The following CDCP1 variants were observed in gnomAD, a reference collection of about 807,000 sequenced individuals.
The protein encoded by CDCP1 is CUB domain-containing protein 1.
A neutral mutation model predicts 60.2 loss-of-function variants in CDCP1; 29 were observed. The ratio of observed to expected loss-of-function variants is 0.48; its 90% CI spans 0.36 to 0.66. The LOEUF (loss-of-function observed/expected upper bound fraction) is 0.66. Ranked by LOEUF, CDCP1 falls within the 30% of genes least tolerant of loss-of-function variation. The probability of loss-of-function intolerance (pLI) is 0.00; values close to 1 mark genes in which losing one functional copy is unlikely to be tolerated. For synonymous variants in CDCP1, 387 were observed against 431.1 expected (o/e 0.90, Z 1.27); for missense variants, 876 against 1,074.3 (o/e 0.82, Z 2.58).
At position 45,140,610 on chromosome 3, in the gene CDCP1, A is replaced by T. The variant is rs139087538; in HGVS notation, c.82+5596T>A. ...ACCAGCTAGGGAGCCCTGGCAAGTC[A>T]CGTCACCTCTCTGTGCCTACTAACA... On this transcript the variant is annotated intron_variant, in intron 1 of 8. Transcript: ENST00000296129. 6.1e-4 allele frequency among the ~76,000 whole-genome samples: 93 copies of T among 152,300 alleles called. 1 individual carries two copies. The highest frequency in any genetic ancestry group is 3.4e-3 in the Middle Eastern group (1 of 294).
At chr3:45,145,662 A>T (rs1699369478) in intron 1 of CDCP1, among the ~76,000 whole-genome samples, 1 of 152,058 alleles carries the variant, frequency 6.6e-6, no homozygotes, top group Non-Finnish European at 1.5e-5. Flanking sequence ...GGAGAGGGGG[A>T]ATGCAGCGTG....
Position 45,110,602 on chromosome 3 carries a change from C to T in CDCP1, c.895G>A (p.Asp299Asn). ...TTNPEVFKLE[D>N]KQPGNMAGNF... ...CCCGCCATGTTCCCAGGCTGCTTGT[C>T]CTCCAGCTTGAACACCTCGGGGTTG... The change falls in exon 4 of 9, where the codon GAC becomes AAC. Residue 299 changes from aspartate to asparagine, a missense_variant. Coordinates refer to ENST00000296129, the MANE Select transcript of CDCP1 (RefSeq NM_022842.5). 6.2e-7 allele frequency: 1 copy of T among 1,614,214 alleles called. No individual in the cohort carries two copies.
chr3:45,112,851 C>T (rs1268192491), intron 2 of CDCP1, among the ~76,000 whole-genome samples: 2 of 152,266 alleles, frequency 1.3e-5, no homozygotes, highest in African/African-American at 4.8e-5. Context: ...TGAAGCTACT[C>T]TTCAGCTAAA....
chr3:45,126,340 G>A (rs556913313), intron 1 of CDCP1, among the ~76,000 whole-genome samples: 153 of 151,648 alleles, frequency 1.0e-3, no homozygotes, highest in Non-Finnish European at 1.8e-3. Flanking sequence ...GTTGTTGGCT[G>A]ATTCCAGGAA....
chr3:45,112,389 A>G lies in CDCP1; in HGVS notation c.349T>C (p.Leu117=), dbSNP rs569643135. The G allele has an allele frequency of 1.2e-5, 20 of 1,614,226 alleles. No individual in the cohort carries two copies. The Admixed American group carries it at 2.8e-4, about 23-fold the overall frequency. The change falls in exon 3 of 9, where the codon TTG becomes CTG. Residue 117 remains leucine (L), a synonymous_variant. Coordinates refer to ENST00000296129, the MANE Select transcript of CDCP1 (RefSeq NM_022842.5). Reference sequence around the variant, plus strand: ...AAAGTTCTGTTGAGGGTAGGCAACAACGATGTCGAGGGCTGAAGCTGAACC... The same window carrying G: ...AAAGTTCTGTTGAGGGTAGGCAACAGCGATGTCGAGGGCTGAAGCTGAACC... ...GEVQLQPSTS[L]LPTLNRTFIW...
chr3:45,112,335 T>C lies in CDCP1; in HGVS notation c.403A>G (p.Ile135Val). ...ATGGAAAACTGCAGCTCTAAACCGA[T>C]GCTCTTATGAGCTTTGACATCCCAG... ...FIWDVKAHKSIGLELQFSIPR... is the reference protein window; with the variant it reads ...FIWDVKAHKSVGLELQFSIPR... The change falls in exon 3 of 9, where the codon ATC becomes GTC. Residue 135 changes from isoleucine to valine, a missense_variant. Transcript: ENST00000296129. The C allele has an allele frequency of 6.2e-7, 1 of 1,614,252 alleles. No homozygotes were observed. The highest frequency in any genetic ancestry group is 8.5e-7 in the Non-Finnish European group (1 of 1,180,044).
chr3:45,106,916 T>G (rs1431615918), intron 4 of CDCP1, among the ~76,000 whole-genome samples: 1 of 152,228 alleles, frequency 6.6e-6, no homozygotes, highest in East Asian at 1.9e-4. Context: ...CTCAGCTTCT[T>G]TCTCACCTCC....
intron 1 of CDCP1, chr3:45,139,537 T>G (rs1699248304): frequency 6.6e-6 from 1 of 152,274 alleles, no homozygotes; most frequent in Non-Finnish European, 1.5e-5. Flanking sequence ...CTAAGCCCTT[T>G]GGGATGTGCA....
chr3:45,124,697 C>T (rs781729338), intron 1 of CDCP1, among the ~76,000 whole-genome samples: 4 of 152,220 alleles, frequency 2.6e-5, no homozygotes, highest in Non-Finnish European at 4.4e-5. Flanking sequence ...GAGCAGATCC[C>T]TGCTTTTCAG....
Position 45,137,160 on chromosome 3 carries a change from C to T in CDCP1, c.82+9046G>A, listed in dbSNP as rs554667684. 1.1e-4 allele frequency among the ~76,000 whole-genome samples: 16 copies of T among 152,280 alleles called. No homozygotes were observed. In the East Asian group the frequency reaches 3.1e-3, roughly 29 times the overall value. ...TATTACCAGTATTTGTGCACTATTCCAGAAGTAATCTATGAATATGCAAGT... is the reference window on the plus strand; with the variant it reads ...TATTACCAGTATTTGTGCACTATTCTAGAAGTAATCTATGAATATGCAAGT... On this transcript the variant is annotated intron_variant, in intron 1 of 8. Transcript: ENST00000296129.
At chr3:45,101,148 T>C (rs1176808037) in intron 4 of CDCP1, among the ~76,000 whole-genome samples, 4 of 152,184 alleles carry the variant, frequency 2.6e-5, no homozygotes, top group African/African-American at 9.7e-5. Flanking sequence ...CTCTCAGAAG[T>C]GGCAGGCTCA....
intron 4 of CDCP1, among the ~76,000 whole-genome samples, chr3:45,096,514 A>T (rs1240362389): frequency 6.7e-6 from 1 of 149,098 alleles, no homozygotes. Flanking sequence ...AATCCCAGCT[A>T]CTTGGGAGGC....
intron 3 of CDCP1, 50 bp downstream of exon 3, chr3:45,112,033 T>C: frequency 6.3e-7 from 1 of 1,578,386 alleles, no homozygotes; most frequent in Non-Finnish European, 8.6e-7. Context: ...AGAACAATGA[T>C]GATCTTGTGT....
At position 45,112,397 on chromosome 3, in the gene CDCP1, G is replaced by C. The variant is rs554995721; in HGVS notation, c.341C>G (p.Ser114Trp). 1 of 1,614,210 alleles carries C rather than the reference G, an allele frequency of 6.2e-7. No individual in the cohort carries two copies. Residue 114 changes from serine (S) to tryptophan (W), a missense_variant, in exon 3 of 9, where the codon TCG (serine) becomes TGG (tryptophan). Ser to Trp is a radical substitution (Grantham distance 177, BLOSUM62 -3). Around this residue, in one of 2 missense-constraint regions of CDCP1, gnomAD observed 726 missense variants for 935.7 expected, o/e 0.78. Transcript: ENST00000296129. Reference sequence around the variant, plus strand: ...GTTGAGGGTAGGCAACAACGATGTCGAGGGCTGAAGCTGAACCTCCCCAAA... The same window carrying C: ...GTTGAGGGTAGGCAACAACGATGTCCAGGGCTGAAGCTGAACCTCCCCAAA... ...CPFGEVQLQP[S>W]TSLLPTLNRT...
At chr3:45,108,535 C>G (rs7645521) in intron 4 of CDCP1, among the ~76,000 whole-genome samples, 36,945 of 151,244 alleles carry the variant, frequency 0.24, 5,746 homozygotes, top group Non-Finnish European at 0.34. Context: ...TCCACCATGA[C>G]TGAGGTGATA....
chr3:45,085,546 TC>T lies in CDCP1; in HGVS notation c.*91del. ...CCTCCTGCTGTTCCTTCTGTATAAT[TC>T]CTCTTCTTTAGGATTTCTGGTTAGG... On this transcript the variant is annotated 3_prime_UTR_variant, in exon 9 of 9. Transcript: ENST00000296129. The surrounding 1 kb of genome is among the most constrained non-coding windows in gnomAD (Gnocchi z 4.2). 3.8e-6 allele frequency: 5 copies of T among 1,327,460 alleles called. No individual in the cohort carries two copies. The highest frequency in any genetic ancestry group is 4.2e-6 in the Non-Finnish European group (4 of 958,414). 82.2% of individuals were successfully genotyped at this position (1,327,460 alleles called of 1,614,324 possible).
chr3:45,136,616 G>A (rs1699195725), intron 1 of CDCP1, among the ~76,000 whole-genome samples: 1 of 152,192 alleles, frequency 6.6e-6, no homozygotes, highest in Non-Finnish European at 1.5e-5. Flanking sequence ...TCCAAGTCGA[G>A]AAGTCAGTTT....
At chr3:45,096,550 G>A (rs553879841) in intron 4 of CDCP1, among the ~76,000 whole-genome samples, 176 of 149,662 alleles carry the variant, frequency 1.2e-3, no homozygotes, top group Middle Eastern at 3.5e-3. Context: ...GCTTGAACCC[G>A]GGAGGCGGAG....
chr3:45,123,512 C>T (rs79109575), intron 1 of CDCP1, among the ~76,000 whole-genome samples: 2,073 of 152,314 alleles, frequency 0.014, 50 homozygotes, highest in African/African-American at 0.047. Context: ...ACATCACTCA[C>T]ATGGCTGTCA....
Sources: allele counts gnomAD v4.1 joint callset (sites outside exome capture counted in the v4.1 genomes callset), GRCh38; gene constraint gnomAD v4.1.1; regional missense constraint gnomAD v4.1.1; non-coding constraint Gnocchi (gnomAD v3.1); transcripts MANE v1.5; gene names NCBI Gene and HGNC (gene_info 2026-07-23, HGNC 2026-07-21).